Variants in TTC28 observed in about 807,000 individuals in gnomAD.
TTC28 encodes tetratricopeptide repeat domain 28.
TTC28 carries 61 observed loss-of-function variants against 198.0 expected under a neutral mutation model. The observed-to-expected ratio is 0.31, with a 90% confidence interval of 0.25 to 0.38. TTC28 has a LOEUF of 0.38. Among genes scored for constraint, TTC28 ranks in the 10% least tolerant of loss-of-function variants. The pLI is 1.00. For missense variants in TTC28, 2,678 were observed against 3,164.0 expected (o/e 0.85, Z 3.69); for synonymous variants, 1,171 against 1,297.8 (o/e 0.90, Z 2.10).
At chr22:28,036,956 C>G (rs1454819546) in intron 12 of TTC28, among the ~76,000 whole-genome samples, 1 of 152,110 alleles carries the variant, frequency 6.6e-6, no homozygotes, top group African/African-American at 2.4e-5. Flanking sequence ...TACACCCTCC[C>G]AAGACTAAAC....
chr22:28,066,723 T>C (rs748819567), intron 12 of TTC28, among the ~76,000 whole-genome samples: 9 of 152,184 alleles, frequency 5.9e-5, no homozygotes, highest in African/African-American at 4.8e-5. Context: ...CCATGGGGTC[T>C]TTCTCAAATG....
At position 28,629,826 on chromosome 22, in the gene TTC28, G is replaced by C; in HGVS notation, c.107C>G (p.Pro36Arg). The C allele has an allele frequency of 1.3e-6, 2 of 1,545,114 alleles. No individual in the cohort carries two copies. Among genetic ancestry groups the C allele is most frequent in the African/African-American group, 2.8e-5 (2 of 72,664 alleles). Reference sequence around the variant, plus strand: ...GCCAATAGTGTCAGCACCAAAGAGAGGAATCTACAAACAAAGAAACTTTAT... The same window carrying C: ...GCCAATAGTGTCAGCACCAAAGAGACGAATCTACAAACAAAGAAACTTTAT... ...PESPPASAPIPLFGADTIGQR... is the reference protein window; with the variant it reads ...PESPPASAPIRLFGADTIGQR... The change falls in exon 2 of 23, where the codon CCT (proline) becomes CGT (arginine). Residue 36 changes from proline (P) to arginine (R), a missense_variant. Physicochemically the swap from Pro to Arg is moderately radical, Grantham distance 103. Transcript: ENST00000397906.
chr22:28,327,218 T>C (rs185684865), intron 2 of TTC28, among the ~76,000 whole-genome samples: 12 of 152,302 alleles, frequency 7.9e-5, no homozygotes, highest in Non-Finnish European at 1.6e-4. Flanking sequence ...CAGTTGATCT[T>C]ATTATTCACA....
intron 1 of TTC28, among the ~76,000 whole-genome samples, chr22:28,674,291 G>A (rs115560662): frequency 0.017 from 2,022 of 120,342 alleles, 75 homozygotes; most frequent in African/African-American, 0.061. Context: ...TTTTTGGTCT[G>A]TGGTTTTGGA....
intron 5 of TTC28, among the ~76,000 whole-genome samples, chr22:28,187,201 G>T (rs1157165646): frequency 6.6e-6 from 1 of 152,162 alleles, no homozygotes; most frequent in Non-Finnish European, 1.5e-5. Flanking sequence ...ATCATTGACC[G>T]AGGGTAAGAG....
chr22:28,328,544 A>G (rs1274227951), intron 2 of TTC28, among the ~76,000 whole-genome samples: 1 of 151,884 alleles, frequency 6.6e-6, no homozygotes. Context: ...ACCCTAGGTT[A>G]GGAGTTCAAG....
chr22:28,243,236 A>G (rs546429366), intron 5 of TTC28, among the ~76,000 whole-genome samples: 2 of 140,916 alleles, frequency 1.4e-5, no homozygotes, highest in Non-Finnish European at 3.0e-5. Context: ...ACTGTCACAC[A>G]CCTGTAGTCT....
chr22:28,220,689 T>C (rs1927785997), intron 5 of TTC28, among the ~76,000 whole-genome samples: 1 of 152,146 alleles, frequency 6.6e-6, no homozygotes, highest in Non-Finnish European at 1.5e-5. Context: ...CACAAAATAA[T>C]GTACATTCTG....
chr22:28,386,574 G>GA (rs1191222929), intron 2 of TTC28, among the ~76,000 whole-genome samples: 13 of 152,214 alleles, frequency 8.5e-5, no homozygotes, highest in Middle Eastern at 3.4e-3. Context: ...ATTTGTCCTT[G>GA]AATGGGTATA....
intron 2 of TTC28, among the ~76,000 whole-genome samples, chr22:28,616,926 G>A (rs2050913391): frequency 6.6e-6 from 1 of 152,016 alleles, no homozygotes; most frequent in Admixed American, 6.6e-5. Flanking sequence ...GCAGAAAGAG[G>A]AGGTATTTTA....
chr22:28,483,651 A>T (rs1175637911), intron 2 of TTC28, among the ~76,000 whole-genome samples: 4 of 152,230 alleles, frequency 2.6e-5, no homozygotes, highest in African/African-American at 9.6e-5. Flanking sequence ...ACTCTGTGGC[A>T]ACCCACCTAC....
At chr22:27,992,313 T>C (rs1569071324) in intron 19 of TTC28, among the ~76,000 whole-genome samples, 1 of 152,164 alleles carries the variant, frequency 6.6e-6, no homozygotes, top group Admixed American at 6.5e-5. Context: ...ACAATGCCAA[T>C]AGCAGCCAGT....
chr22:28,038,502 T>G (rs1390496168), intron 12 of TTC28, among the ~76,000 whole-genome samples: 11 of 152,126 alleles, frequency 7.2e-5, no homozygotes, highest in African/African-American at 1.7e-4. Flanking sequence ...TCCTTACACC[T>G]TATACAAAAA....
At chr22:28,225,122 C>T (rs1031708280) in intron 5 of TTC28, among the ~76,000 whole-genome samples, 17 of 152,018 alleles carry the variant, frequency 1.1e-4, no homozygotes, top group Admixed American at 2.0e-4. Context: ...CCTGTAATCC[C>T]AGCACTTTGG....
intron 2 of TTC28, among the ~76,000 whole-genome samples, chr22:28,309,226 G>A (rs1380387314): frequency 6.6e-6 from 1 of 152,132 alleles, no homozygotes; most frequent in Admixed American, 6.5e-5. Flanking sequence ...CAGAATACAA[G>A]AGAGTCCAAT....
intron 12 of TTC28, among the ~76,000 whole-genome samples, chr22:28,082,007 T>C (rs1156525129): frequency 2.6e-5 from 4 of 152,254 alleles, no homozygotes; most frequent in Non-Finnish European, 4.4e-5. Context: ...TTTGTAATTT[T>C]TGATGCTTTG....
rs1320094614 is a variant in TTC28, at chr22:27,996,173, C to T, written c.5206G>A (p.Glu1736Lys). The T allele has an allele frequency of 1.9e-6, 3 of 1,551,058 alleles. No homozygotes were observed. Among genetic ancestry groups the T allele is most frequent in the Non-Finnish European group, 1.7e-6 (2 of 1,147,018 alleles). ...ACTCGCAGGGCGTCCCGCGCACGCT[C>T]CGGGTGCTGCAGGATCTCTGTGAGG... ...QALTEILQHPERARDALRVLL... is the reference protein window; with the variant it reads ...QALTEILQHPKRARDALRVLL... The change falls in exon 17 of 23, where the codon GAG becomes AAG. Residue 1736 changes from glutamate to lysine, a missense_variant. Coordinates refer to ENST00000397906, the MANE Select transcript of TTC28 (RefSeq NM_001145418.2).
chr22:28,431,876 G>A (rs573053682), intron 2 of TTC28, among the ~76,000 whole-genome samples: 1 of 152,162 alleles, frequency 6.6e-6, no homozygotes, highest in South Asian at 2.1e-4. Context: ...TACTTGGGAG[G>A]CTGAGGCAGG....
chr22:28,380,338 C>A (rs2046475966), intron 2 of TTC28, among the ~76,000 whole-genome samples: 1 of 151,998 alleles, frequency 6.6e-6, no homozygotes, highest in Non-Finnish European at 1.5e-5. Context: ...ATAAGGGCAA[C>A]AGACAATGCT....
Sources: gnomAD v4.1 joint callset for allele counts (sites outside exome capture counted in the v4.1 genomes callset) on GRCh38, gnomAD v4.1.1 for gene constraint, MANE v1.5 for transcripts, NCBI Gene and HGNC (gene_info 2026-07-23, HGNC 2026-07-21) for gene names.